Variants in LINGO2 observed in about 807,000 individuals in gnomAD.
LINGO2 encodes leucine-rich repeat and immunoglobulin-like domain-containing nogo receptor-interacting protein 2.
A neutral mutation model predicts 30.6 loss-of-function variants in LINGO2; 14 were observed. That is an observed-to-expected ratio of 0.46 (90% CI 0.30 to 0.72). The LOEUF is 0.72. LINGO2 is among the 30% of genes least tolerant of loss of function. The pLI is 0.07. For synonymous variants in LINGO2, 317 were observed against 288.5 expected (o/e 1.10, Z -1.00); for missense variants, 729 against 751.7 (o/e 0.97, Z 0.35).
At chr9:29,188,778 C>T in the LINGO2 span, among the ~76,000 whole-genome samples, 2 of 132,924 alleles carry the variant, frequency 1.5e-5, no homozygotes, top group Admixed American at 1.6e-4. Flanking sequence ...TAGGGGCGGC[C>T]GGGCAGAGGC....
chr9:28,754,633 TC>T, the LINGO2 span, among the ~76,000 whole-genome samples: 1 of 150,550 alleles, frequency 6.6e-6, no homozygotes, highest in Non-Finnish European at 1.5e-5. Flanking sequence ...TCTGTTTCTG[TC>T]CTTTTTTTTT....
chr9:28,936,951 C>A, the LINGO2 span, among the ~76,000 whole-genome samples: 1 of 152,128 alleles, frequency 6.6e-6, no homozygotes, highest in African/African-American at 2.4e-5. Context: ...CTCGATGTAT[C>A]CTCACATGGC....
intron 4 of LINGO2, among the ~76,000 whole-genome samples, chr9:28,014,104 C>A (rs985281716): frequency 2.0e-5 from 3 of 152,078 alleles, no homozygotes; most frequent in African/African-American, 7.2e-5. Context: ...GACGTGGTTA[C>A]CACTCAGAAA....
chr9:28,389,598 T>C (rs1821742987), intron 2 of LINGO2, among the ~76,000 whole-genome samples: 1 of 152,106 alleles, frequency 6.6e-6, no homozygotes, highest in Non-Finnish European at 1.5e-5. Context: ...TCTTAGAGGA[T>C]TCACAGTCAG....
the LINGO2 span, among the ~76,000 whole-genome samples, chr9:28,764,599 A>G: frequency 6.6e-6 from 1 of 151,950 alleles, no homozygotes; most frequent in African/African-American, 2.4e-5. Context: ...TACAAGACAA[A>G]GATGTCCACT....
At chr9:28,736,762 C>A in the LINGO2 span, among the ~76,000 whole-genome samples, 1 of 152,104 alleles carries the variant, frequency 6.6e-6, no homozygotes, top group African/African-American at 2.4e-5. Flanking sequence ...TGCACTCCAG[C>A]CTGGGCAACA....
At chr9:28,460,501 A>G (rs188214763) in intron 2 of LINGO2, among the ~76,000 whole-genome samples, 48 of 152,282 alleles carry the variant, frequency 3.2e-4, no homozygotes, top group Non-Finnish European at 5.4e-4. Flanking sequence ...GCTTGCTACA[A>G]GAGAAAGATG....
intron 1 of LINGO2, among the ~76,000 whole-genome samples, chr9:28,666,146 C>T (rs779664252): frequency 3.9e-5 from 6 of 152,036 alleles, no homozygotes; most frequent in Non-Finnish European, 5.9e-5. Context: ...CCCTCCTCGG[C>T]CTCCCAAAAT....
the LINGO2 span, among the ~76,000 whole-genome samples, chr9:28,987,046 T>C: frequency 1.3e-5 from 2 of 151,398 alleles, no homozygotes; most frequent in African/African-American, 4.8e-5. Flanking sequence ...TGTAATATTA[T>C]TGTATTTGTT....
the LINGO2 span, among the ~76,000 whole-genome samples, chr9:29,089,332 A>C: frequency 6.6e-6 from 1 of 151,900 alleles, no homozygotes; most frequent in Non-Finnish European, 1.5e-5. Context: ...TCCTTTTGTC[A>C]AGTGAACAAT....
At chr9:28,197,487 A>C (rs1161338844) in intron 4 of LINGO2, among the ~76,000 whole-genome samples, 1 of 151,992 alleles carries the variant, frequency 6.6e-6, no homozygotes, top group African/African-American at 2.4e-5. Flanking sequence ...AAATTGCTTA[A>C]TAAAATGTTA....
At chr9:28,914,149 A>ACAAT in the LINGO2 span, among the ~76,000 whole-genome samples, 1 of 152,204 alleles carries the variant, frequency 6.6e-6, no homozygotes. Flanking sequence ...TAGCTACAAT[A>ACAAT]CAATGTGTGT....
At chr9:29,114,266 A>G in the LINGO2 span, among the ~76,000 whole-genome samples, 3 of 151,762 alleles carry the variant, frequency 2.0e-5, no homozygotes, top group Admixed American at 2.0e-4. Context: ...CCAAAACAAT[A>G]TTGAGTGAAA....
chr9:27,996,311 GT>G (rs1443062387), intron 5 of LINGO2, among the ~76,000 whole-genome samples: 13 of 152,080 alleles, frequency 8.5e-5, no homozygotes, highest in Non-Finnish European at 1.8e-4. Flanking sequence ...GAAAATCAAT[GT>G]TTTAGAGATA....
chr9:28,887,368 G>T, the LINGO2 span, among the ~76,000 whole-genome samples: 1 of 152,088 alleles, frequency 6.6e-6, no homozygotes, highest in South Asian at 2.1e-4. Context: ...TAAAAAAACT[G>T]TTGGCATTAG....
chr9:28,849,305 G>A, the LINGO2 span, among the ~76,000 whole-genome samples: 3 of 151,898 alleles, frequency 2.0e-5, no homozygotes, highest in Non-Finnish European at 4.4e-5. Context: ...CTAGTACAAC[G>A]CTGTCCCTGG....
At chr9:28,300,320 C>A (rs1238795520) in intron 3 of LINGO2, among the ~76,000 whole-genome samples, 1 of 152,114 alleles carries the variant, frequency 6.6e-6, no homozygotes, top group Non-Finnish European at 1.5e-5. Context: ...ATTTTCATTT[C>A]AGAACCCAGC....
At chr9:28,209,574 T>G (rs2133852883) in intron 4 of LINGO2, among the ~76,000 whole-genome samples, 1 of 152,040 alleles carries the variant, frequency 6.6e-6, no homozygotes, top group East Asian at 1.9e-4. Context: ...AAAATCACCT[T>G]TAGTAATAGT....
At chr9:29,204,856 T>C in the LINGO2 span, among the ~76,000 whole-genome samples, 6 of 152,318 alleles carry the variant, frequency 3.9e-5, no homozygotes, top group African/African-American at 1.4e-4. Context: ...GATGATAGCA[T>C]ACATTCTTAC....
Sources: allele counts gnomAD v4.1 joint callset (sites outside exome capture counted in the v4.1 genomes callset), GRCh38; gene constraint gnomAD v4.1.1; transcripts MANE v1.5; gene names NCBI Gene and HGNC (gene_info 2026-07-23, HGNC 2026-07-21).